NCR2: variants seen among roughly 807,000 people sequenced by gnomAD.
NCR2 encodes NK cell activating receptor (NKp44).
Under a neutral mutation model 30.7 loss-of-function variants are expected in NCR2, and 35 were observed. The ratio of observed to expected loss-of-function variants is 1.14; its 90% CI spans 0.87 to 1.51. The LOEUF is 1.51. Among genes scored for constraint, NCR2 ranks in the 40% most tolerant of loss-of-function variants. The probability of loss-of-function intolerance (pLI) is 0.00; values close to 1 mark genes in which losing one functional copy is unlikely to be tolerated. For synonymous variants in NCR2, 146 were observed against 134.8 expected (o/e 1.08, Z -0.58); for missense variants, 316 against 328.9 (o/e 0.96, Z 0.30).
At chr6:41,343,438 C>A (rs1769225956) in intron 4 of NCR2, among the ~76,000 whole-genome samples, 1 of 152,212 alleles carries the variant, frequency 6.6e-6, no homozygotes, top group South Asian at 2.1e-4. Flanking sequence ...CATGATCACG[C>A]CACTGCACTC....
At chr6:41,341,345 G>C (rs527290793) in intron 2 of NCR2, among the ~76,000 whole-genome samples, 15 of 152,222 alleles carry the variant, frequency 9.9e-5, no homozygotes, top group African/African-American at 3.4e-4. Context: ...TGGGGTCCAG[G>C]GCTGTGCAGC....
At chr6:41,340,989 C>T (rs1331119368) in intron 2 of NCR2, among the ~76,000 whole-genome samples, 1 of 152,106 alleles carries the variant, frequency 6.6e-6, no homozygotes, top group Non-Finnish European at 1.5e-5. Context: ...CAGCCCTTTC[C>T]CCTTCTTTCC....
Position 41,335,902 on chromosome 6 carries a change from T to G in NCR2, c.26T>G (p.Leu9Arg), listed in dbSNP as rs538456719. The G allele has an allele frequency of 2.5e-6, 4 of 1,570,442 alleles. No homozygotes were observed. The highest frequency in any genetic ancestry group is 1.4e-5 in the African/African-American group (1 of 73,984). ...ATGGCCTGGCGAGCCCTACACCCAC[T>G]GCTACTGCTGCTGCTGCTGTTCCCA... is the stretch of plus-strand genomic sequence containing the variant. Reference protein sequence around the residue: MAWRALHPLLLLLLLFPGS... With the variant: MAWRALHPRLLLLLLFPGS... The change falls in exon 1 of 5, where the codon CTG becomes CGG. Residue 9 changes from leucine (L) to arginine (R), a missense_variant. Transcript: ENST00000373089.
intron 4 of NCR2, among the ~76,000 whole-genome samples, chr6:41,344,606 G>C (rs1335188232): frequency 6.6e-6 from 1 of 152,162 alleles, no homozygotes; most frequent in Non-Finnish European, 1.5e-5. Flanking sequence ...TTCTCCGAAT[G>C]TTCCTTTTTA....
chr6:41,343,174 C>G, intron 4 of NCR2: 1 of 699,456 alleles, frequency 1.4e-6, no homozygotes, highest in Non-Finnish European at 2.4e-6. Context: ...AGGCCCTCTA[C>G]TTGCTCACCC....
chr6:41,339,453 T>A (rs1769118285), intron 2 of NCR2, among the ~76,000 whole-genome samples: 1 of 151,142 alleles, frequency 6.6e-6, no homozygotes, highest in Non-Finnish European at 1.5e-5. Context: ...TGGTGTGATC[T>A]CGGCTCACTG....
At chr6:41,342,356 T>G (rs890546800) in intron 4 of NCR2, among the ~76,000 whole-genome samples, 2 of 152,046 alleles carry the variant, frequency 1.3e-5, no homozygotes, top group African/African-American at 4.8e-5. Flanking sequence ...TGCAGGAATC[T>G]CATCCATGTT....
chr6:41,350,584 C>T (rs568860345), intron 4 of NCR2, 94 bp from the exon 5 acceptor site: 14 of 1,107,664 alleles, frequency 1.3e-5, no homozygotes, highest in South Asian at 3.0e-5. Flanking sequence ...ACCAACCCTG[C>T]GAGTAGTGGG....
chr6:41,341,510 TG>T (rs1769166554), intron 2 of NCR2, among the ~76,000 whole-genome samples: 1 of 152,110 alleles, frequency 6.6e-6, no homozygotes. Context: ...GAGGCTCGGA[TG>T]GGTGCCCATC....
chr6:41,344,155 G>T (rs970836027), intron 4 of NCR2, among the ~76,000 whole-genome samples: 2 of 152,044 alleles, frequency 1.3e-5, no homozygotes, highest in Non-Finnish European at 2.9e-5. Context: ...ATACCTCTGT[G>T]CATTTCTGCC....
intron 2 of NCR2, among the ~76,000 whole-genome samples, chr6:41,339,454 C>T (rs995418483): frequency 2.0e-5 from 3 of 151,092 alleles, no homozygotes; most frequent in Admixed American, 6.6e-5. Context: ...GGTGTGATCT[C>T]GGCTCACTGC....
At chr6:41,343,061 C>G (rs972281467) in intron 4 of NCR2, 1 of 1,499,542 alleles carries the variant, frequency 6.7e-7, no homozygotes, top group Non-Finnish European at 9.1e-7. Flanking sequence ...GGGCTCCCAG[C>G]AGCTCCTCCC....
chr6:41,341,729 C>T (rs1769172262), intron 2 of NCR2, 65 bp from the exon 3 acceptor site: 4 of 1,540,778 alleles, frequency 2.6e-6, no homozygotes, highest in Non-Finnish European at 3.5e-6. Flanking sequence ...CCATCCAGCT[C>T]TCCTGCCGGC....
At chr6:41,344,397 A>C (rs1479003971) in intron 4 of NCR2, among the ~76,000 whole-genome samples, 1 of 152,140 alleles carries the variant, frequency 6.6e-6, no homozygotes, top group Non-Finnish European at 1.5e-5. Context: ...TCACCCCCAC[A>C]GTGCTGTTGT....
intron 2 of NCR2, among the ~76,000 whole-genome samples, chr6:41,341,574 G>C (rs984604362): frequency 5.3e-5 from 8 of 152,062 alleles, no homozygotes; most frequent in African/African-American, 1.9e-4. Context: ...CTAGACTCAA[G>C]GATACAACTG....
In NCR2 at chr6:41,342,904, C is replaced by T. The variant is rs1308751993; in HGVS notation, c.644+755C>T. On this transcript the variant is annotated intron_variant, in intron 4 of 4. Coordinates refer to ENST00000373089, the MANE Select transcript of NCR2 (RefSeq NM_004828.4). ...GATTCAAGTCACTTCATGTATTTCT[C>T]CCCTCATCTCAAGGGTTTTAAGGAA... 6 of 1,547,320 alleles carry T rather than the reference C, an allele frequency of 3.9e-6. No individual in the cohort carries two copies. In the East Asian group the frequency reaches 7.3e-5, roughly 19 times the overall value.
intron 2 of NCR2, among the ~76,000 whole-genome samples, chr6:41,336,885 G>GA (rs71744459): frequency 0.11 from 16,977 of 151,740 alleles, 1,307 homozygotes; most frequent in East Asian, 0.31. Context: ...AAGAATGAGT[G>GA]AAAAAAAATC....
intron 4 of NCR2, among the ~76,000 whole-genome samples, chr6:41,347,298 C>G (rs556985432): frequency 6.6e-6 from 1 of 152,344 alleles, no homozygotes; most frequent in Admixed American, 6.5e-5. Flanking sequence ...CCATCAGAAT[C>G]TAAATGGGCT....
At position 41,347,339 on chromosome 6, in the gene NCR2, C is replaced by T. The variant is rs368156404; in HGVS notation, c.645-3339C>T. ...ATATTAAACCCTCCCCACCTACAGC[C>T]CTCCAGCTACTGCTCCATTATCTTA... On this transcript the variant is annotated intron_variant, in intron 4 of 4. Transcript: ENST00000373089. 3.5e-4 allele frequency among the ~76,000 whole-genome samples: 53 copies of T among 152,354 alleles called. 1 individual carries two copies. The highest frequency in any genetic ancestry group is 3.4e-3 in the Middle Eastern group (1 of 294).
Sources: allele counts gnomAD v4.1 joint callset (sites outside exome capture counted in the v4.1 genomes callset), GRCh38; gene constraint gnomAD v4.1.1; transcripts MANE v1.5; gene names NCBI Gene and HGNC (gene_info 2026-07-23, HGNC 2026-07-21).